The following FAH variants were observed in gnomAD, a reference collection of about 807,000 sequenced individuals.
The protein encoded by FAH is fumarylacetoacetase.
In FAH, 47 loss-of-function variants were observed where a neutral mutation model predicts 55.8. The ratio of observed to expected loss-of-function variants is 0.84; its 90% CI spans 0.67 to 1.07. FAH has a LOEUF of 1.07. FAH is among the 50% of genes least tolerant of loss of function. The pLI is 0.00. For synonymous variants in FAH, 199 were observed against 207.7 expected (o/e 0.96, Z 0.36); for missense variants, 495 against 545.9 (o/e 0.91, Z 0.93).
In FAH at chr15:80,177,539, G is replaced by A. The variant is rs1259781956; in HGVS notation, c.916G>A (p.Glu306Lys). The A allele has an allele frequency of 6.2e-7, 1 of 1,613,914 alleles. No homozygotes were observed. Among genetic ancestry groups the A allele is most frequent in the East Asian group, 2.2e-5 (1 of 44,890 alleles). Residue 306 changes from glutamate (E) to lysine (K), a missense_variant and splice_region_variant, in exon 11 of 14, where the codon GAA becomes AAA. Glu to Lys is a moderately conservative substitution (Grantham distance 56). Coordinates refer to ENST00000561421, the MANE Select transcript of FAH (RefSeq NM_000137.4). The stretch of plus-strand genomic sequence containing the variant: ...AATATTGCTTTTCTTTCCAACAGGA[G>A]AAGGAATGAGCCAGGCGGCTACCAT... ...DINLSVNLKG[E>K]GMSQAATICK...
At chr15:80,178,915 A>G (rs577640097) in intron 11 of FAH, among the ~76,000 whole-genome samples, 5 of 152,296 alleles carry the variant, frequency 3.3e-5, no homozygotes, top group African/African-American at 7.2e-5. Flanking sequence ...AGTCACATCA[A>G]TTCCACAATC....
chr15:80,175,222 G>A lies in FAH; in HGVS notation c.913+131G>A, dbSNP rs778348764. ...ACAGCCCTGGAGATGTGTGTGGCTCGTCTAAAGGAAAGAGGAGGGGAGGGG... is the reference window on the plus strand; with the variant it reads ...ACAGCCCTGGAGATGTGTGTGGCTCATCTAAAGGAAAGAGGAGGGGAGGGG... On this transcript the variant is annotated intron_variant, in intron 10 of 13. Coordinates refer to ENST00000561421, the MANE Select transcript of FAH (RefSeq NM_000137.4). 322 of 833,158 alleles carry A rather than the reference G, an allele frequency of 3.9e-4. 1 individual carries two copies. Among genetic ancestry groups the A allele is most frequent in the Non-Finnish European group, 5.5e-4 (272 of 496,128 alleles). The allele number at this position is 833,158 out of a possible 1,614,324, so 51.6% of individuals were successfully genotyped here.
Position 80,186,237 on chromosome 15 carries a change from G to A in FAH, c.*28G>A. The A allele has an allele frequency of 6.4e-7, 1 of 1,565,614 alleles. No homozygotes were observed. The highest frequency in any genetic ancestry group is 2.2e-5 in the East Asian group (1 of 44,596). Reference sequence around the variant, plus strand: ...TTTTCTCTGCTCTTCTGGAAACAAAGGGCTCAAGCACCCCTTTCAACCCTG... The same window carrying A: ...TTTTCTCTGCTCTTCTGGAAACAAAAGGCTCAAGCACCCCTTTCAACCCTG... On this transcript the variant is annotated 3_prime_UTR_variant, in exon 14 of 14. Coordinates refer to ENST00000561421, the MANE Select transcript of FAH (RefSeq NM_000137.4).
At chr15:80,179,659 A>T (rs1231432301) in intron 11 of FAH, among the ~76,000 whole-genome samples, 1 of 152,142 alleles carries the variant, frequency 6.6e-6, no homozygotes, top group Non-Finnish European at 1.5e-5. Flanking sequence ...CCCAGTGTCC[A>T]TCCCAAGGCC....
intron 13 of FAH, among the ~76,000 whole-genome samples, chr15:80,185,634 G>A (rs2041363975): frequency 6.6e-6 from 1 of 152,182 alleles, no homozygotes; most frequent in South Asian, 2.1e-4. Flanking sequence ...GAAGGCAAAA[G>A]GCATGTCTTA....
At chr15:80,185,258 A>G (rs1450637716) in intron 13 of FAH, among the ~76,000 whole-genome samples, 1 of 152,194 alleles carries the variant, frequency 6.6e-6, no homozygotes, top group African/African-American at 2.4e-5. Context: ...GGGAATTTCA[A>G]ATAGGGACTG....
In FAH at chr15:80,175,153, G is replaced by T. The variant is rs145041941; in HGVS notation, c.913+62G>T. The T allele has an allele frequency of 2.7e-3, 3,941 of 1,465,462 alleles. 7 individuals are homozygous for T. Among genetic ancestry groups the T allele is most frequent in the Non-Finnish European group, 3.4e-3 (3,584 of 1,045,132 alleles). The allele number at this position is 1,465,462 out of a possible 1,614,324, so 90.8% of individuals were successfully genotyped here. A position where few individuals can be genotyped will look rare whatever the true frequency, so the allele number is the denominator to read the frequency against. Reference sequence around the variant, plus strand: ...GAGGCAATGTGTGCCTGTGTGCCTTGTCCTGAAGGCTCCTGAGCTTTGGCA... The same window carrying T: ...GAGGCAATGTGTGCCTGTGTGCCTTTTCCTGAAGGCTCCTGAGCTTTGGCA... On this transcript the variant is annotated intron_variant, in intron 10 of 13. Transcript: ENST00000561421.
chr15:80,170,277 A>T (rs2041229101), intron 7 of FAH, among the ~76,000 whole-genome samples: 1 of 152,232 alleles, frequency 6.6e-6, no homozygotes, highest in Non-Finnish European at 1.5e-5. Context: ...GCGTTGCCTC[A>T]GGAAGCTCTG....
chr15:80,162,420 T>C, intron 5 of FAH, 84 bp downstream of exon 5: 1 of 1,217,994 alleles, frequency 8.2e-7, no homozygotes, highest in East Asian at 2.3e-5. Flanking sequence ...AGCTGCCAAG[T>C]TCTTCTTAAA....
chr15:80,182,101 C>T (rs1300328574), intron 13 of FAH, among the ~76,000 whole-genome samples: 8 of 152,168 alleles, frequency 5.3e-5, no homozygotes, highest in Non-Finnish European at 1.2e-4. Flanking sequence ...CTGGCCTCTT[C>T]CAGCTTCTGG....
At chr15:80,173,343 T>C (rs2041257420) in intron 9 of FAH, 199 bp downstream of exon 9, 1 of 695,770 alleles carries the variant, frequency 1.4e-6, no homozygotes, top group Admixed American at 2.2e-5. Context: ...CCTTGTGGTT[T>C]CCCTGGCCCT....
intron 9 of FAH, chr15:80,173,598 T>G: frequency 3.0e-6 from 1 of 338,270 alleles, no homozygotes; most frequent in Non-Finnish European, 5.8e-6. Flanking sequence ...GGTCTACCAC[T>G]GGGTCTAGGC....
chr15:80,164,384 G>T (rs762740951), intron 5 of FAH, among the ~76,000 whole-genome samples: 1 of 152,026 alleles, frequency 6.6e-6, no homozygotes, highest in Non-Finnish European at 1.5e-5. Context: ...TACATTTAGG[G>T]TTCACTCAAA....
At chr15:80,181,285 G>C in intron 13 of FAH, 126 bp downstream of exon 13, 1 of 688,902 alleles carries the variant, frequency 1.5e-6, no homozygotes, top group East Asian at 2.9e-5. Context: ...GCCTCCCAGA[G>C]TCTCTGCCTG....
At chr15:80,186,493 C>G (rs79203348), downstream of FAH, 40,254 of 495,184 alleles carry the variant, frequency 0.081, 1,833 homozygotes, top group South Asian at 0.095. Flanking sequence ...ATTAGACATC[C>G]CAGGCCTCCT....
Position 80,173,034 on chromosome 15 carries a change from G to A in FAH, c.727G>A (p.Glu243Lys). The change falls in exon 9 of 14, where the codon GAG (glutamate) becomes AAG (lysine). Residue 243 changes from glutamate (E) to lysine (K), a missense_variant. Coordinates refer to ENST00000561421, the MANE Select transcript of FAH (RefSeq NM_000137.4). ...DWSARDIQKW[E>K]YVPLGPFLGK... ...TGCAGCACGAGACATTCAGAAGTGG[G>A]AGTATGTCCCTCTCGGGCCATTCCT... The A allele has an allele frequency of 6.2e-7, 1 of 1,614,230 alleles. No homozygotes were observed. The highest frequency in any genetic ancestry group is 8.5e-7 in the Non-Finnish European group (1 of 1,180,036).
At chr15:80,179,186 G>A (rs2041309603) in intron 11 of FAH, among the ~76,000 whole-genome samples, 1 of 152,176 alleles carries the variant, frequency 6.6e-6, no homozygotes, top group Non-Finnish European at 1.5e-5. Context: ...CTCTGGTGGT[G>A]TTTGCCTTTT....
chr15:80,167,893 T>C (rs946454368), intron 5 of FAH, among the ~76,000 whole-genome samples, 159 bp from the exon 6 acceptor site: 2 of 152,230 alleles, frequency 1.3e-5, no homozygotes, highest in Non-Finnish European at 2.9e-5. Flanking sequence ...CCACAGTTTG[T>C]TTATCCATTC....
rs563442728 is a variant in FAH at position 80,155,948 on chromosome 15, G to A, written c.82-2112G>A. 6 of 477,800 alleles carry A rather than the reference G, an allele frequency of 1.3e-5. No individual in the cohort carries two copies. In the East Asian group the frequency reaches 2.8e-4, roughly 23 times the overall value. 29.6% of individuals were successfully genotyped at this position (477,800 alleles called of 1,614,324 possible). A position where few individuals can be genotyped will look rare whatever the true frequency, so the allele number is the denominator to read the frequency against. ...CTTCAAAGAGGAACCAGGAGTACAG[G>A]AGGAACATGAAAGTGGACAAGGAGC... On this transcript the variant is annotated intron_variant, in intron 1 of 13. Coordinates refer to ENST00000561421, the MANE Select transcript of FAH (RefSeq NM_000137.4).
Sources: gnomAD v4.1 joint callset for allele counts (sites outside exome capture counted in the v4.1 genomes callset) on GRCh38, gnomAD v4.1.1 for gene constraint, MANE v1.5 for transcripts, NCBI Gene and HGNC (gene_info 2026-07-23, HGNC 2026-07-21) for gene names.